The following NXPH1 variants were observed in gnomAD, a reference collection of about 807,000 sequenced individuals.
NXPH1 encodes the protein neurexophilin-1.
In NXPH1, 5 loss-of-function variants were observed where a neutral mutation model predicts 23.7. The ratio of observed to expected loss-of-function variants is 0.21; its 90% confidence interval spans 0.11 to 0.44. NXPH1 has a LOEUF of 0.44. Among genes scored for constraint, NXPH1 ranks in the 20% least tolerant of loss-of-function variants. The pLI is 0.99. For synonymous variants in NXPH1, 144 were observed against 122.2 expected (o/e 1.18, Z -1.18); for missense variants, 324 against 321.6 (o/e 1.01, Z -0.06).
At chr7:8,663,028 G>A (rs1446118159) in intron 2 of NXPH1, among the ~76,000 whole-genome samples, 1 of 152,016 alleles carries the variant, frequency 6.6e-6, no homozygotes, top group Non-Finnish European at 1.5e-5. Context: ...GAACTGATAT[G>A]GATAGAATAT....
At chr7:8,721,513 C>T (rs1015854116) in intron 2 of NXPH1, among the ~76,000 whole-genome samples, 3 of 152,180 alleles carry the variant, frequency 2.0e-5, no homozygotes, top group African/African-American at 7.2e-5. Flanking sequence ...TTGTGGCTCA[C>T]GCCTGTAATC....
chr7:8,503,140 C>G (rs1191421266), intron 2 of NXPH1, among the ~76,000 whole-genome samples: 4 of 151,944 alleles, frequency 2.6e-5, no homozygotes, highest in Non-Finnish European at 5.9e-5. Context: ...GCACAACAGA[C>G]AACAAAGGGT....
intron 2 of NXPH1, among the ~76,000 whole-genome samples, chr7:8,469,198 A>AT (rs533814499): frequency 3.3e-5 from 5 of 151,966 alleles, no homozygotes; most frequent in Non-Finnish European, 7.4e-5. Flanking sequence ...CATTATAGTG[A>AT]TTTTTTTGGG....
At chr7:8,578,603 T>C (rs1333672654) in intron 2 of NXPH1, among the ~76,000 whole-genome samples, 1 of 152,184 alleles carries the variant, frequency 6.6e-6, no homozygotes, top group East Asian at 1.9e-4. Context: ...AGTTAACAAA[T>C]CTGTATTGAG....
At chr7:8,733,587 A>G (rs1395184057) in intron 2 of NXPH1, among the ~76,000 whole-genome samples, 1 of 152,138 alleles carries the variant, frequency 6.6e-6, no homozygotes, top group Admixed American at 6.5e-5. Context: ...CTGGCGTGAG[A>G]TAGTATCTCA....
intron 2 of NXPH1, among the ~76,000 whole-genome samples, chr7:8,588,421 T>C (rs1298925309): frequency 6.6e-6 from 1 of 151,644 alleles, no homozygotes; most frequent in Non-Finnish European, 1.5e-5. Context: ...CTGATATAAA[T>C]CAGGAAAGAC....
intron 2 of NXPH1, among the ~76,000 whole-genome samples, chr7:8,677,161 G>A (rs1380606675): frequency 6.6e-6 from 1 of 152,110 alleles, no homozygotes; most frequent in Non-Finnish European, 1.5e-5. Flanking sequence ...TGAGACCTAA[G>A]GAAACTAGAA....
At chr7:8,617,232 T>C (rs1330201221) in intron 2 of NXPH1, among the ~76,000 whole-genome samples, 1 of 152,002 alleles carries the variant, frequency 6.6e-6, no homozygotes, top group Non-Finnish European at 1.5e-5. Context: ...AGAGGTAAAC[T>C]CAAGAACTCT....
chr7:8,669,640 G>C (rs920088345), intron 2 of NXPH1, among the ~76,000 whole-genome samples: 1 of 152,144 alleles, frequency 6.6e-6, no homozygotes, highest in Non-Finnish European at 1.5e-5. Context: ...TCTGAGGTCT[G>C]GGAGCATGTG....
In NXPH1 at chr7:8,445,625, T is replaced by A. The variant is rs533748572; in HGVS notation, c.54+9858T>A. On this transcript the variant is annotated intron_variant, in intron 2 of 2. Transcript: ENST00000405863. ...TGGCACAAAAATTACGACAAAGATT[T>A]AGAGAAAATTTCCTGGTTTTAAAGA... is the stretch of plus-strand genomic sequence containing the variant. Among the ~76,000 whole-genome samples, 108 of 152,370 alleles carry A rather than the reference T, an allele frequency of 7.1e-4. 1 individual carries two copies. The highest frequency in any genetic ancestry group is 2.5e-3 in the African/African-American group (103 of 41,596).
intron 2 of NXPH1, among the ~76,000 whole-genome samples, chr7:8,721,250 A>G (rs960561894): frequency 6.6e-6 from 1 of 152,162 alleles, no homozygotes; most frequent in African/African-American, 2.4e-5. Flanking sequence ...ATACATACAT[A>G]TATGCATAAA....
At chr7:8,480,627 G>A (rs1019892211) in intron 2 of NXPH1, among the ~76,000 whole-genome samples, 15 of 152,160 alleles carry the variant, frequency 9.9e-5, no homozygotes, top group African/African-American at 2.7e-4. Context: ...GCTTAGTCAT[G>A]CCTTAACACT....
chr7:8,697,157 CAAAA>C (rs139349283), intron 2 of NXPH1, among the ~76,000 whole-genome samples: 340 of 104,850 alleles, frequency 3.2e-3, no homozygotes, highest in Middle Eastern at 5.7e-3. Flanking sequence ...GATTCTGTTT[CAAAA>C]AAAAAAAAAA....
At chr7:8,513,248 CAG>C (rs1326649605) in intron 2 of NXPH1, among the ~76,000 whole-genome samples, 1 of 151,838 alleles carries the variant, frequency 6.6e-6, no homozygotes, top group African/African-American at 2.4e-5. Context: ...GTGCAGGAAA[CAG>C]AATATATAGG....
At chr7:8,655,906 G>T (rs1049335026) in intron 2 of NXPH1, among the ~76,000 whole-genome samples, 4 of 152,108 alleles carry the variant, frequency 2.6e-5, no homozygotes, top group African/African-American at 9.7e-5. Flanking sequence ...ACTCCACTGT[G>T]TTCCCTTGGC....
At position 8,582,528 on chromosome 7, in the gene NXPH1, G is replaced by A. The variant is rs186118780; in HGVS notation, c.54+146761G>A. 4.6e-3 allele frequency among the ~76,000 whole-genome samples: 698 copies of A among 152,282 alleles called. 5 individuals carry two copies. The highest frequency in any genetic ancestry group is 7.3e-3 in the Non-Finnish European group (497 of 68,032). On this transcript the variant is annotated intron_variant, in intron 2 of 2. Transcript: ENST00000405863. ...CGAGTGTCCAGCTCTCAGCAGAGAG[G>A]AGACCTGCAGTGGGTAGCTCTGCAG...
chr7:8,502,923 T>G (rs17149860), intron 2 of NXPH1, among the ~76,000 whole-genome samples: 22,225 of 151,866 alleles, frequency 0.15, 1,890 homozygotes, highest in East Asian at 0.23. Flanking sequence ...GCTGGCCACT[T>G]CATGATGCAC....
intron 2 of NXPH1, among the ~76,000 whole-genome samples, chr7:8,621,681 T>A (rs1236223472): frequency 4.6e-5 from 7 of 152,070 alleles, no homozygotes; most frequent in Admixed American, 3.3e-4. Flanking sequence ...AGACAGGGTT[T>A]CACCATGTTG....
At chr7:8,500,246 A>C (rs1330906308) in intron 2 of NXPH1, among the ~76,000 whole-genome samples, 1 of 152,056 alleles carries the variant, frequency 6.6e-6, no homozygotes, top group Non-Finnish European at 1.5e-5. Context: ...GTTTTACTTC[A>C]GCAGCATCAA....
Sources: allele counts gnomAD v4.1 joint callset (sites outside exome capture counted in the v4.1 genomes callset), GRCh38; gene constraint gnomAD v4.1.1; transcripts MANE v1.5; gene names NCBI Gene and HGNC (gene_info 2026-07-23, HGNC 2026-07-21).